DLGAP2: variants seen among roughly 807,000 people sequenced by gnomAD.
The protein encoded by DLGAP2 is DLG associated protein 2.
DLGAP2 carries 26 observed loss-of-function variants against 100.3 expected under a neutral mutation model. That is an observed-to-expected ratio of 0.26 (90% CI 0.19 to 0.36). The LOEUF (loss-of-function observed/expected upper bound fraction) is 0.36, where lower values mean the gene tolerates loss of function less well. DLGAP2 is among the 10% of genes least tolerant of loss of function. DLGAP2 has a pLI of 1.00. For missense variants in DLGAP2, 1,858 were observed against 1,453.2 expected (o/e 1.28, Z -4.53); for synonymous variants, 886 against 630.1 (o/e 1.41, Z -6.08).
At chr8:903,244 G>A (rs562955116) in intron 1 of DLGAP2, among the ~76,000 whole-genome samples, 2 of 152,134 alleles carry the variant, frequency 1.3e-5, no homozygotes, top group East Asian at 3.9e-4. Flanking sequence ...GATGTTTTAT[G>A]AAGCTACTCA....
At chr8:1,531,885 C>T (rs558492264) in intron 4 of DLGAP2, among the ~76,000 whole-genome samples, 2 of 152,270 alleles carry the variant, frequency 1.3e-5, no homozygotes, top group East Asian at 3.9e-4. Flanking sequence ...AAGGTTGTCA[C>T]GCACACCCGT....
At chr8:1,237,633 C>T (rs1461230816) in intron 2 of DLGAP2, among the ~76,000 whole-genome samples, 67 of 140,276 alleles carry the variant, frequency 4.8e-4, no homozygotes, top group African/African-American at 1.4e-3. Flanking sequence ...CACATGGTGC[C>T]GTGTCTAGTT....
At chr8:1,660,322 G>C (rs10113152) in intron 8 of DLGAP2, among the ~76,000 whole-genome samples, 1 of 152,130 alleles carries the variant, frequency 6.6e-6, no homozygotes, top group African/African-American at 2.4e-5. Flanking sequence ...TTTTCTAGCT[G>C]CCTAAAAATA....
At chr8:1,350,409 T>C (rs1290604536) in intron 3 of DLGAP2, among the ~76,000 whole-genome samples, 2 of 66,642 alleles carry the variant, frequency 3.0e-5, no homozygotes, top group Non-Finnish European at 2.9e-5. Flanking sequence ...GGGTCCTGAC[T>C]GTGCGTGGAA....
At chr8:1,374,112 T>C (rs890097762) in intron 3 of DLGAP2, among the ~76,000 whole-genome samples, 2 of 145,124 alleles carry the variant, frequency 1.4e-5, no homozygotes, top group Non-Finnish European at 3.0e-5. Flanking sequence ...GAGGACTGTG[T>C]GGTGGAGGTT....
chr8:1,116,018 C>T (rs374835041), intron 2 of DLGAP2, among the ~76,000 whole-genome samples: 91 of 152,302 alleles, frequency 6.0e-4, no homozygotes, highest in African/African-American at 2.0e-3. Context: ...GGGAGCCATT[C>T]ACTCCGTCAG....
At chr8:763,253 C>T (rs919289503) in intron 1 of DLGAP2, among the ~76,000 whole-genome samples, 3 of 152,286 alleles carry the variant, frequency 2.0e-5, no homozygotes, top group East Asian at 1.9e-4. Flanking sequence ...CTTCCCTTCG[C>T]GTGCTACTGC....
Position 1,549,212 on chromosome 8 carries a change from C to T in DLGAP2, c.759C>T (p.Asn253=), listed in dbSNP as rs1229676759. 3.4e-5 allele frequency: 55 copies of T among 1,602,442 alleles called. No homozygotes were observed. The East Asian group carries it at 7.5e-4, about 22-fold the overall frequency. The change falls in exon 5 of 15, where the codon AAC becomes AAT. Residue 253 remains asparagine, a synonymous_variant. Transcript: ENST00000637795. ...CGCTGGAGGGCTCCTCCAAAAGCAACGCCAACGGCACCAAGGCGGACGGCC... is the reference window on the plus strand; with the variant it reads ...CGCTGGAGGGCTCCTCCAAAAGCAATGCCAACGGCACCAAGGCGGACGGCC... The part of the protein sequence containing the change: ...SHSLEGSSKS[N]ANGTKADGRA...
rs547142512 is a variant in DLGAP2, at chr8:1,426,654, C to T, written c.107-74712C>T. Among the ~76,000 whole-genome samples, 7 of 152,286 alleles carry T rather than the reference C, an allele frequency of 4.6e-5. No homozygotes were observed. The East Asian group carries it at 5.8e-4, about 13-fold the overall frequency. On this transcript the variant is annotated intron_variant, in intron 3 of 14. Coordinates refer to ENST00000637795, the MANE Select transcript of DLGAP2 (RefSeq NM_001346810.2). ...CATGACTAAGAGAAACTCTTATTAA[C>T]CTCACCCAGAAAGATAGGAATCTAC...
intron 1 of DLGAP2, among the ~76,000 whole-genome samples, chr8:798,556 A>G (rs1419286270): frequency 7.6e-6 from 1 of 131,500 alleles, no homozygotes; most frequent in Non-Finnish European, 1.6e-5. Flanking sequence ...TGGCCAGGTG[A>G]TGGGTGCCTG....
chr8:1,564,162 G>A (rs1802300637), intron 5 of DLGAP2, among the ~76,000 whole-genome samples: 1 of 152,154 alleles, frequency 6.6e-6, no homozygotes, highest in Non-Finnish European at 1.5e-5. Flanking sequence ...ACGTGAGTTT[G>A]ACCTATGGAG....
intron 3 of DLGAP2, among the ~76,000 whole-genome samples, chr8:1,276,867 T>C (rs1354439594): frequency 6.6e-6 from 1 of 152,194 alleles, no homozygotes; most frequent in Admixed American, 6.5e-5. Context: ...TTAATAAAAT[T>C]AAGTTTTCAT....
chr8:1,036,318 A>G (rs962966393), intron 2 of DLGAP2, among the ~76,000 whole-genome samples: 1 of 152,272 alleles, frequency 6.6e-6, no homozygotes, highest in Non-Finnish European at 1.5e-5. Context: ...AACATGCCAC[A>G]GCACCCCATC....
intron 6 of DLGAP2, among the ~76,000 whole-genome samples, chr8:1,599,221 G>C (rs1022205182): frequency 6.6e-6 from 1 of 152,174 alleles, no homozygotes; most frequent in Non-Finnish European, 1.5e-5. Flanking sequence ...ATTGCACTGT[G>C]GTCGGAGAGA....
At chr8:1,525,747 G>A (rs578006645) in intron 4 of DLGAP2, among the ~76,000 whole-genome samples, 56 of 152,350 alleles carry the variant, frequency 3.7e-4, no homozygotes, top group African/African-American at 1.3e-3. Context: ...CACCTGTGTG[G>A]TGTTGGGCAG....
intron 3 of DLGAP2, among the ~76,000 whole-genome samples, chr8:1,423,321 G>C (rs955533736): frequency 2.0e-5 from 3 of 152,144 alleles, no homozygotes; most frequent in Admixed American, 2.0e-4. Context: ...GGTTCCCCCA[G>C]GCACCCGGGC....
chr8:772,956 C>T (rs187441027), intron 1 of DLGAP2, among the ~76,000 whole-genome samples: 2 of 152,302 alleles, frequency 1.3e-5, no homozygotes, highest in East Asian at 1.9e-4. Context: ...GCCATCAGCA[C>T]ACACACTCCA....
chr8:1,390,553 C>A (rs1232505287), intron 3 of DLGAP2, among the ~76,000 whole-genome samples: 3 of 152,126 alleles, frequency 2.0e-5, no homozygotes, highest in Admixed American at 1.3e-4. Flanking sequence ...GCTGTGTGCT[C>A]CTGTATGCTT....
intron 6 of DLGAP2, among the ~76,000 whole-genome samples, chr8:1,585,958 G>T (rs976128095): frequency 6.6e-6 from 1 of 152,172 alleles, no homozygotes. Flanking sequence ...ACACATATGG[G>T]CGTAGTTTAC....
Sources: gnomAD v4.1 joint callset for allele counts (sites outside exome capture counted in the v4.1 genomes callset) on GRCh38, gnomAD v4.1.1 for gene constraint, MANE v1.5 for transcripts, NCBI Gene and HGNC (gene_info 2026-07-23, HGNC 2026-07-21) for gene names.